The following EYS variants were observed in gnomAD, a reference collection of about 807,000 sequenced individuals.
EYS encodes protein eyes shut homolog.
In EYS, 250 loss-of-function variants were observed where a neutral mutation model predicts 282.1. The ratio of observed to expected loss-of-function variants is 0.89; its 90% CI spans 0.80 to 0.98. The LOEUF is 0.98. EYS is among the 50% of genes least tolerant of loss of function. EYS has a pLI of 0.00. For synonymous variants in EYS, 1,355 were observed against 1,282.9 expected (o/e 1.06, Z -1.20); for missense variants, 4,016 against 3,709.0 (o/e 1.08, Z -2.15).
intron 36 of EYS, among the ~76,000 whole-genome samples, chr6:63,827,773 A>G (rs1243783228): frequency 6.7e-6 from 1 of 150,058 alleles, no homozygotes; most frequent in Non-Finnish European, 1.5e-5. Flanking sequence ...GAACCCGGGA[A>G]GCGGAGCTTG....
chr6:63,743,961 T>C (rs1769146982), intron 41 of EYS: 1 of 152,148 alleles, frequency 6.6e-6, no homozygotes, highest in South Asian at 2.1e-4. Flanking sequence ...GCAGCAGTAG[T>C]GAGGGAAATG....
intron 22 of EYS, among the ~76,000 whole-genome samples, chr6:64,776,661 C>T (rs1333585663): frequency 6.6e-6 from 1 of 151,992 alleles, no homozygotes; most frequent in African/African-American, 2.4e-5. Context: ...CATGTCTCAT[C>T]ATTAGCCTTT....
At chr6:64,741,254 T>A (rs188113112) in intron 22 of EYS, among the ~76,000 whole-genome samples, 13 of 152,272 alleles carry the variant, frequency 8.5e-5, no homozygotes, top group Admixed American at 2.6e-4. Context: ...AGCTCTTGGG[T>A]GACCAGGCCC....
Position 65,571,125 on chromosome 6 carries a change from G to A in EYS, c.-333+68653C>T, listed in dbSNP as rs1006496081. Among the ~76,000 whole-genome samples, 78 of 151,972 alleles carry A rather than the reference G, an allele frequency of 5.1e-4. 1 individual carries two copies. Among genetic ancestry groups the A allele is most frequent in the Admixed American group, 1.4e-3 (21 of 15,234 alleles). ...CTATCCTTCTAGGCTTTCAGCTGGG[G>A]CATTTGTAAAAAAAGACAGATTAAC... On this transcript the variant is annotated intron_variant, in intron 2 of 42. Transcript: ENST00000503581.
intron 22 of EYS, among the ~76,000 whole-genome samples, chr6:64,704,412 C>T (rs1465107200): frequency 7.0e-6 from 1 of 141,866 alleles, no homozygotes; most frequent in Non-Finnish European, 1.5e-5. Flanking sequence ...TCATGAGTGG[C>T]AATCTAAATT....
At chr6:65,071,794 C>T (rs900045172) in intron 12 of EYS, among the ~76,000 whole-genome samples, 1 of 151,770 alleles carries the variant, frequency 6.6e-6, no homozygotes, top group Non-Finnish European at 1.5e-5. Flanking sequence ...CTCCAAAATT[C>T]ATGTATTGTA....
At chr6:64,405,276 C>T (rs1054635981) in intron 28 of EYS, among the ~76,000 whole-genome samples, 1 of 152,056 alleles carries the variant, frequency 6.6e-6, no homozygotes, top group Non-Finnish European at 1.5e-5. Context: ...GAAATTAGAA[C>T]AAAGTTAGGT....
At chr6:65,300,992 G>A (rs1768805061) in intron 11 of EYS, 1 of 152,166 alleles carries the variant, frequency 6.6e-6, no homozygotes. Context: ...TGCTCATAAA[G>A]CTTTCAACCA....
At chr6:65,188,855 T>C (rs1765574313) in intron 12 of EYS, among the ~76,000 whole-genome samples, 2 of 149,416 alleles carry the variant, frequency 1.3e-5, no homozygotes, top group Non-Finnish European at 3.0e-5. Context: ...AGAAAACAAA[T>C]TGTTTCTTAG....
At chr6:64,824,462 C>T (rs1198508830) in intron 19 of EYS, among the ~76,000 whole-genome samples, 1 of 151,898 alleles carries the variant, frequency 6.6e-6, no homozygotes, top group Non-Finnish European at 1.5e-5. Context: ...ACATGTTTAA[C>T]ATTTTATTAC....
chr6:63,772,300 G>C (rs1335514559), intron 40 of EYS, among the ~76,000 whole-genome samples: 1 of 151,994 alleles, frequency 6.6e-6, no homozygotes, highest in Non-Finnish European at 1.5e-5. Flanking sequence ...AGAAAGTTAA[G>C]TAATGAGTTC....
chr6:64,708,768 T>C (rs191581128), intron 22 of EYS, among the ~76,000 whole-genome samples: 22 of 152,306 alleles, frequency 1.4e-4, no homozygotes, highest in Admixed American at 1.0e-3. Context: ...GTCTGCATTG[T>C]CCTGGAAACA....
rs554255474 is a variant in EYS, at chr6:65,659,977, T to C, written c.-447-20085A>G. 2.0e-5 allele frequency among the ~76,000 whole-genome samples: 3 copies of C among 151,842 alleles called. No homozygotes were observed. In the East Asian group the frequency reaches 5.8e-4, roughly 29 times the overall value. On this transcript the variant is annotated intron_variant, in intron 1 of 42. Transcript: ENST00000503581. ...GTGTTCATGAGTTTAAGAGAAATTT[T>C]CGTGAACTGACTAGTCACATAAACT...
chr6:65,249,140 T>C (rs1453002634), intron 12 of EYS, among the ~76,000 whole-genome samples: 1 of 150,522 alleles, frequency 6.6e-6, no homozygotes, highest in Non-Finnish European at 1.5e-5. Context: ...GAACAAAGTA[T>C]AAAAGAAAAT....
chr6:65,324,223 ATTTG>A lies in EYS; in HGVS notation c.1766+10753_1766+10756del, dbSNP rs1186558991. The stretch of plus-strand genomic sequence containing the variant: ...TGGTATTTGTTACCACCTGGCTTTT[ATTTG>A]TTTATTTCTTCATTTGTTTATTTTC... On this transcript the variant is annotated intron_variant, in intron 11 of 42. Transcript: ENST00000503581. Among the ~76,000 whole-genome samples, 8 of 151,702 alleles carry A rather than the reference ATTTG, an allele frequency of 5.3e-5. 1 individual carries two copies. The highest frequency in any genetic ancestry group is 4.6e-4 in the Admixed American group (7 of 15,196).
At chr6:64,681,556 G>T (rs897522108) in intron 22 of EYS, among the ~76,000 whole-genome samples, 2 of 152,168 alleles carry the variant, frequency 1.3e-5, no homozygotes, top group African/African-American at 4.8e-5. Flanking sequence ...TCGTCCACTA[G>T]GAATGTCAGG....
At chr6:65,092,632 G>GT in intron 12 of EYS, among the ~76,000 whole-genome samples, 1 of 152,242 alleles carries the variant, frequency 6.6e-6, no homozygotes, top group Admixed American at 6.5e-5. Context: ...GCCAGGCATA[G>GT]TTTTTTAGTT....
intron 26 of EYS, among the ~76,000 whole-genome samples, chr6:64,576,832 T>C (rs1049210996): frequency 9.9e-5 from 15 of 152,130 alleles, no homozygotes; most frequent in Non-Finnish European, 1.6e-4. Context: ...CTTTTTAAAA[T>C]GGATTGGATT....
intron 2 of EYS, among the ~76,000 whole-genome samples, chr6:65,617,578 T>A (rs354380): frequency 0.058 from 8,771 of 151,826 alleles, 525 homozygotes; most frequent in East Asian, 0.18. Context: ...ATACTTTAAG[T>A]TTTAGGGTAC....
Sources: allele counts gnomAD v4.1 joint callset (sites outside exome capture counted in the v4.1 genomes callset), GRCh38; gene constraint gnomAD v4.1.1; transcripts MANE v1.5; gene names NCBI Gene and HGNC (gene_info 2026-07-23, HGNC 2026-07-21).